DCC: variants seen among roughly 807,000 people sequenced by gnomAD.
DCC encodes DCC netrin 1 receptor.
Under a neutral mutation model 172.5 loss-of-function variants are expected in DCC, and 58 were observed. The observed-to-expected ratio is 0.34, with a 90% CI of 0.27 to 0.42. The LOEUF (loss-of-function observed/expected upper bound fraction) is 0.42, where lower values mean the gene tolerates loss of function less well. DCC is among the 10% of genes least tolerant of loss of function. The probability of loss-of-function intolerance (pLI) is 1.00; values close to 1 mark genes in which losing one functional copy is unlikely to be tolerated. For synonymous variants in DCC, 709 were observed against 644.5 expected (o/e 1.10, Z -1.52); for missense variants, 1,740 against 1,791.0 (o/e 0.97, Z 0.51).
At chr18:52,827,934 T>G (rs758445013) in intron 2 of DCC, among the ~76,000 whole-genome samples, 2 of 151,944 alleles carry the variant, frequency 1.3e-5, no homozygotes, top group Middle Eastern at 3.2e-3. Flanking sequence ...TGGTTTTGTG[T>G]TGTTCATTGA....
chr18:52,794,464 T>C lies in DCC; in HGVS notation c.412+42090T>C, dbSNP rs563855205. On this transcript the variant is annotated intron_variant, in intron 2 of 28. Coordinates refer to ENST00000442544, the MANE Select transcript of DCC (RefSeq NM_005215.4). The stretch of plus-strand genomic sequence containing the variant: ...TAAAATCTAGTTTGTTATTGGTATA[T>C]AGGAGTGCTGCTTTTTGTATGTTGT... Among the ~76,000 whole-genome samples the C allele has an allele frequency of 4.0e-4, 61 of 152,222 alleles. 1 individual carries two copies. The highest frequency in any genetic ancestry group is 4.0e-3 in the Admixed American group (61 of 15,274).
chr18:52,825,945 CA>C (rs1047959205), intron 2 of DCC, among the ~76,000 whole-genome samples: 4 of 152,188 alleles, frequency 2.6e-5, no homozygotes, highest in Non-Finnish European at 5.9e-5. Flanking sequence ...GGAAAAACAG[CA>C]GATAATATTG....
At chr18:53,006,614 T>A (rs1416003550) in intron 5 of DCC, among the ~76,000 whole-genome samples, 1 of 152,190 alleles carries the variant, frequency 6.6e-6, no homozygotes, top group Non-Finnish European at 1.5e-5. Flanking sequence ...ATAAGGTTGA[T>A]AACAATCTGA....
chr18:52,497,274 A>AT lies in DCC; in HGVS notation c.91+156396_91+156397insT, dbSNP rs1211208534. Among the ~76,000 whole-genome samples the AT allele has an allele frequency of 5.1e-4, 43 of 84,140 alleles. 4 individuals carry two copies. The highest frequency in any genetic ancestry group is 1.1e-3 in the African/African-American group (24 of 22,054). 55.2% of individuals were successfully genotyped at this position (84,140 alleles called of 152,430 possible). ...AGACCCTGTATCAAAAAAAAAAAAA[A>AT]AAAAAAATATATATATATATATATA... On this transcript the variant is annotated intron_variant, in intron 1 of 28. Coordinates refer to ENST00000442544, the MANE Select transcript of DCC (RefSeq NM_005215.4).
chr18:53,136,211 A>ATC (rs138628052), intron 7 of DCC, among the ~76,000 whole-genome samples: 24,481 of 150,000 alleles, frequency 0.16, 2,388 homozygotes, highest in African/African-American at 0.27. Flanking sequence ...CTATCTATCT[A>ATC]TATATATATA....
In DCC at chr18:53,170,376, T is replaced by G. The variant is rs577669232; in HGVS notation, c.1419-8586T>G. 2.6e-5 allele frequency among the ~76,000 whole-genome samples: 4 copies of G among 152,358 alleles called. No homozygotes were observed. The South Asian group carries it at 6.2e-4, about 24-fold the overall frequency. ...TGTGTAGTTATGCTCACTCTTTTTG[T>G]TTTGATTTATCTTTGCAAAGAAAAT... On this transcript the variant is annotated intron_variant, in intron 8 of 28. Transcript: ENST00000442544.
At chr18:52,379,084 T>C (rs767267663) in intron 1 of DCC, among the ~76,000 whole-genome samples, 11 of 152,282 alleles carry the variant, frequency 7.2e-5, no homozygotes, top group Non-Finnish European at 1.2e-4. Context: ...CCATCAAATA[T>C]TGCGTAGCAA....
intron 2 of DCC, among the ~76,000 whole-genome samples, chr18:52,766,640 G>C (rs1211959140): frequency 6.6e-6 from 1 of 152,016 alleles, no homozygotes; most frequent in Non-Finnish European, 1.5e-5. Context: ...CCATCAAGCT[G>C]TTCCTCTGAA....
intron 1 of DCC, among the ~76,000 whole-genome samples, chr18:52,625,688 G>C (rs1355160293): frequency 6.6e-6 from 1 of 152,124 alleles, no homozygotes; most frequent in Non-Finnish European, 1.5e-5. Context: ...TCACAGCAAA[G>C]CATCTTGAAA....
chr18:52,613,429 G>A (rs1004706284), intron 1 of DCC, among the ~76,000 whole-genome samples: 6 of 151,806 alleles, frequency 4.0e-5, no homozygotes, highest in Non-Finnish European at 8.8e-5. Flanking sequence ...CTAATTTTTT[G>A]TATTTTTAGT....
intron 12 of DCC, among the ~76,000 whole-genome samples, chr18:53,259,463 C>T (rs1028649880): frequency 6.6e-6 from 1 of 152,166 alleles, no homozygotes; most frequent in Admixed American, 6.5e-5. Context: ...TTCTCCTTCA[C>T]TTCTGAAGCT....
At chr18:52,818,216 C>A (rs2038338618) in intron 2 of DCC, 1 of 151,234 alleles carries the variant, frequency 6.6e-6, no homozygotes, top group Admixed American at 6.6e-5. Context: ...CCTGTCTCTA[C>A]AAAAAATTTA....
chr18:53,228,059 A>G (rs1190170302), intron 12 of DCC, among the ~76,000 whole-genome samples: 2 of 152,304 alleles, frequency 1.3e-5, no homozygotes. Flanking sequence ...CAAAGAATAT[A>G]TATTTCCATG....
intron 1 of DCC, among the ~76,000 whole-genome samples, chr18:52,603,158 G>C (rs1031053593): frequency 6.6e-6 from 1 of 151,894 alleles, no homozygotes; most frequent in Non-Finnish European, 1.5e-5. Flanking sequence ...AAATCTCTAG[G>C]GATGGAGACT....
At chr18:52,977,997 C>G (rs910890389) in intron 5 of DCC, among the ~76,000 whole-genome samples, 1 of 149,318 alleles carries the variant, frequency 6.7e-6, no homozygotes, top group African/African-American at 2.5e-5. Flanking sequence ...AAGATCAAAT[C>G]AAATTAAATT....
At chr18:52,927,062 T>C (rs2040219024) in intron 5 of DCC, among the ~76,000 whole-genome samples, 1 of 136,672 alleles carries the variant, frequency 7.3e-6, no homozygotes, top group African/African-American at 2.6e-5. Context: ...TATACACATA[T>C]ATACACACAT....
intron 5 of DCC, among the ~76,000 whole-genome samples, chr18:52,996,723 C>CCA (rs1296292862): frequency 6.6e-6 from 1 of 151,010 alleles, no homozygotes; most frequent in Non-Finnish European, 1.5e-5. Context: ...CCCCACCTTG[C>CCA]CACACACTCT....
intron 1 of DCC, among the ~76,000 whole-genome samples, chr18:52,661,693 C>T (rs538827946): frequency 6.6e-6 from 1 of 152,288 alleles, no homozygotes; most frequent in African/African-American, 2.4e-5. Context: ...TCTTCACTTT[C>T]AAATAGATAT....
intron 7 of DCC, among the ~76,000 whole-genome samples, chr18:53,145,263 G>A (rs999164912): frequency 1.3e-5 from 2 of 151,858 alleles, no homozygotes; most frequent in African/African-American, 4.8e-5. Flanking sequence ...ACAGTCGCCC[G>A]CCACCACGCC....
Sources: allele counts gnomAD v4.1 joint callset (sites outside exome capture counted in the v4.1 genomes callset), GRCh38; gene constraint gnomAD v4.1.1; transcripts MANE v1.5; gene names NCBI Gene and HGNC (gene_info 2026-07-23, HGNC 2026-07-21).